The following MAOB variants were observed in gnomAD, a reference collection of about 807,000 sequenced individuals.
MAOB encodes the protein amine oxidase [flavin-containing] B.
In MAOB, 15 loss-of-function variants were observed where a neutral mutation model predicts 41.9. That is an observed-to-expected ratio of 0.36 (90% CI 0.24 to 0.55). The LOEUF (loss-of-function observed/expected upper bound fraction) is 0.55. MAOB is among the 20% of genes least tolerant of loss of function. The pLI is 0.86. For missense variants in MAOB, 345 were observed against 398.7 expected (o/e 0.87, Z 1.15); for synonymous variants, 167 against 144.2 (o/e 1.16, Z -1.13).
intron 7 of MAOB, among the ~76,000 whole-genome samples, chrX:43,794,417 G>C (rs1406091475): frequency 9.1e-6 from 1 of 110,115 alleles, no homozygotes; most frequent in Non-Finnish European, 1.9e-5. Context: ...CTTCCTGCTT[G>C]ATTTTTTCCG....
intron 1 of MAOB, among the ~76,000 whole-genome samples, chrX:43,872,731 A>G (rs1169041216): frequency 8.9e-6 from 1 of 112,426 alleles, no homozygotes; most frequent in Non-Finnish European, 1.9e-5. Flanking sequence ...GTAAACATTC[A>G]TAACATGTTG....
chrX:43,864,786 C>T (rs773277073), intron 1 of MAOB, among the ~76,000 whole-genome samples: 1 of 111,237 alleles, frequency 9.0e-6, no homozygotes, highest in African/African-American at 3.3e-5. Context: ...CCTAAAGAAG[C>T]TGAACAGGCT....
chrX:43,810,304 C>T (rs191592981), intron 3 of MAOB, among the ~76,000 whole-genome samples: 1 of 105,867 alleles, frequency 9.4e-6, no homozygotes, highest in East Asian at 3.0e-4. Flanking sequence ...TTTACAGTAG[C>T]TGCCATGGTC....
At chrX:43,853,512 T>A (rs2035268659) in intron 1 of MAOB, among the ~76,000 whole-genome samples, 2 of 110,948 alleles carry the variant, frequency 1.8e-5, no homozygotes, top group Non-Finnish European at 3.8e-5. Flanking sequence ...TGTTGTGAAA[T>A]GAATTGAGTA....
Position 43,882,292 on chromosome X carries a change from T to C in MAOB, c.8A>G (p.Asn3Ser). Residue 3 changes from asparagine to serine, a missense_variant, in exon 1 of 15, where the codon AAC becomes AGC. Physicochemically the swap from Asn to Ser is conservative, Grantham distance 46 (BLOSUM62 1). Coordinates refer to ENST00000378069, the MANE Select transcript of MAOB (RefSeq NM_000898.5). MS[N>S]KCDVVVVGGG... ...CCCCACCACGACCACGTCGCATTTG[T>C]TGCTCATGGCGCTCGCCCCGTTCCA... 1 of 1,209,107 alleles carries C rather than the reference T, an allele frequency of 8.3e-7. No individual in the cohort carries two copies. The highest frequency in any genetic ancestry group is 1.1e-6 in the Non-Finnish European group (1 of 894,359).
chrX:43,792,923 C>G (rs751406530), intron 8 of MAOB, among the ~76,000 whole-genome samples: 22 of 111,999 alleles, frequency 2.0e-4, no homozygotes, highest in African/African-American at 6.8e-4. Flanking sequence ...CATATGGAAT[C>G]AACGTAGGTG....
intron 3 of MAOB, among the ~76,000 whole-genome samples, chrX:43,836,429 C>T (rs2035072617): frequency 8.9e-6 from 1 of 112,378 alleles, no homozygotes; most frequent in Non-Finnish European, 1.9e-5. Flanking sequence ...TGACTGATCA[C>T]GAGGAGGCCA....
intron 3 of MAOB, among the ~76,000 whole-genome samples, chrX:43,826,262 T>C (rs1158905473): frequency 8.9e-6 from 1 of 112,004 alleles, no homozygotes; most frequent in African/African-American, 3.3e-5. Context: ...GACACCATAC[T>C]AGGTGGCACT....
intron 5 of MAOB, among the ~76,000 whole-genome samples, chrX:43,799,928 T>C (rs769298033): frequency 2.7e-5 from 3 of 111,384 alleles, no homozygotes; most frequent in Non-Finnish European, 5.7e-5. Context: ...GAAAATACAA[T>C]TCATGTTTGT....
At chrX:43,858,780 T>G (rs1320036094) in intron 1 of MAOB, among the ~76,000 whole-genome samples, 1 of 111,672 alleles carries the variant, frequency 9.0e-6, no homozygotes, top group Non-Finnish European at 1.9e-5. Flanking sequence ...TCACTCAGAT[T>G]ATTTTTGGAA....
At chrX:43,814,574 C>A (rs2034785697) in intron 3 of MAOB, among the ~76,000 whole-genome samples, 1 of 112,038 alleles carries the variant, frequency 8.9e-6, no homozygotes, top group South Asian at 3.7e-4. Context: ...GTACTGTATT[C>A]TCTAGGTATT....
At chrX:43,817,780 A>T (rs2034835817) in intron 3 of MAOB, among the ~76,000 whole-genome samples, 1 of 112,090 alleles carries the variant, frequency 8.9e-6, no homozygotes, top group African/African-American at 3.2e-5. Flanking sequence ...AACAATATTT[A>T]TCTGCCAGAT....
intron 8 of MAOB, among the ~76,000 whole-genome samples, chrX:43,790,208 G>A (rs918553516): frequency 1.2e-4 from 13 of 112,068 alleles, no homozygotes; most frequent in African/African-American, 2.9e-4. Context: ...AGTGTCTTTG[G>A]CAGTGATGTT....
chrX:43,804,870 C>T (rs2034642681), intron 3 of MAOB, among the ~76,000 whole-genome samples: 1 of 111,572 alleles, frequency 9.0e-6, no homozygotes, highest in Admixed American at 9.5e-5. Flanking sequence ...TTGACAGAAA[C>T]ATTAGAATAA....
chrX:43,794,775 G>C (rs998695446), intron 7 of MAOB, among the ~76,000 whole-genome samples: 1 of 109,810 alleles, frequency 9.1e-6, no homozygotes, highest in African/African-American at 3.3e-5. Flanking sequence ...TGTCTATAAA[G>C]TGTGTGACAT....
At chrX:43,872,742 G>A in intron 1 of MAOB, among the ~76,000 whole-genome samples, 1 of 112,089 alleles carries the variant, frequency 8.9e-6, no homozygotes, top group South Asian at 3.7e-4. Flanking sequence ...TAACATGTTG[G>A]TATTTATTTT....
chrX:43,852,632 G>A (rs1180928396), intron 1 of MAOB, among the ~76,000 whole-genome samples: 1 of 111,954 alleles, frequency 8.9e-6, no homozygotes, highest in African/African-American at 3.2e-5. Context: ...TTTCTATTCC[G>A]CTGGACTTGT....
intron 1 of MAOB, among the ~76,000 whole-genome samples, chrX:43,864,072 A>G (rs1411861774): frequency 6.3e-5 from 7 of 111,596 alleles, no homozygotes; most frequent in Non-Finnish European, 1.1e-4. Flanking sequence ...ATTATTGTTC[A>G]TCAATTAAGG....
rs780202298 is a variant in MAOB at position 43,816,224 on chromosome X, G to A, written c.280-12820C>T. Among the ~76,000 whole-genome samples, 4 of 111,892 alleles carry A rather than the reference G, an allele frequency of 3.6e-5. No individual in the cohort carries two copies. In the South Asian group the frequency reaches 1.1e-3, roughly 31 times the overall value. ...CTTGGGGATGTGTAATGCCAGTAAGGGAACATGAGGAGGCCTGTGGGGGCT... is the reference window on the plus strand; with the variant it reads ...CTTGGGGATGTGTAATGCCAGTAAGAGAACATGAGGAGGCCTGTGGGGGCT... On this transcript the variant is annotated intron_variant, in intron 3 of 14. Coordinates refer to ENST00000378069, the MANE Select transcript of MAOB (RefSeq NM_000898.5).
Sources: allele counts gnomAD v4.1 joint callset (sites outside exome capture counted in the v4.1 genomes callset), GRCh38; gene constraint gnomAD v4.1.1; transcripts MANE v1.5; gene names NCBI Gene and HGNC (gene_info 2026-07-23, HGNC 2026-07-21).